Variants in NAPB observed in about 807,000 individuals in gnomAD.
NAPB encodes NSF attachment protein beta.
Under a neutral mutation model 44.7 loss-of-function variants are expected in NAPB, and 26 were observed. The ratio of observed to expected loss-of-function variants is 0.58; its 90% CI spans 0.43 to 0.81. The LOEUF is 0.81. NAPB is among the 30% of genes least tolerant of loss of function. NAPB has a pLI of 0.00. For synonymous variants in NAPB, 120 were observed against 116.8 expected (o/e 1.03, Z -0.18); for missense variants, 315 against 356.4 (o/e 0.88, Z 0.94).
At position 23,409,888 on chromosome 20, in the gene NAPB, G is replaced by A. The variant is rs76340038; in HGVS notation, c.99-6816C>T. Among the ~76,000 whole-genome samples the A allele has an allele frequency of 7.8e-3, 1,183 of 152,314 alleles. 20 individuals carry two copies. The highest frequency in any genetic ancestry group is 0.027 in the African/African-American group (1,106 of 41,564). On this transcript the variant is annotated intron_variant, in intron 1 of 10. Coordinates refer to ENST00000377026, the MANE Select transcript of NAPB (RefSeq NM_022080.3). Reference sequence around the variant, plus strand: ...TGCCTCTGCTGCCAGTCAGAGGGGCGTCTGTCGACAGGAGAGGGGAGTTTA... The same window carrying A: ...TGCCTCTGCTGCCAGTCAGAGGGGCATCTGTCGACAGGAGAGGGGAGTTTA...
intron 7 of NAPB, among the ~76,000 whole-genome samples, chr20:23,389,656 A>G (rs1351088981): frequency 1.3e-5 from 2 of 152,238 alleles, no homozygotes; most frequent in Non-Finnish European, 2.9e-5. Flanking sequence ...ATGTGATTTC[A>G]TATATATTCA....
At chr20:23,416,181 C>G (rs1985992656) in intron 1 of NAPB, among the ~76,000 whole-genome samples, 1 of 152,166 alleles carries the variant, frequency 6.6e-6, no homozygotes, top group Admixed American at 6.5e-5. Context: ...AACAGGCAGA[C>G]TTCCAAGGAG....
rs186122481 is a variant in NAPB at position 23,420,476 on chromosome 20, G to A, written c.98+829C>T. Among the ~76,000 whole-genome samples, 1,181 of 152,216 alleles carry A rather than the reference G, an allele frequency of 7.8e-3. 20 individuals are homozygous for A. The highest frequency in any genetic ancestry group is 0.026 in the African/African-American group (1,098 of 41,554). ...GCACACCAGCTCTGGATCCCTCGCC[G>A]GACCGCCCCCTCCCCGGCGGGGCCC... On this transcript the variant is annotated intron_variant, in intron 1 of 10. Coordinates refer to ENST00000377026, the MANE Select transcript of NAPB (RefSeq NM_022080.3).
chr20:23,390,375 T>A (rs1008238651), intron 5 of NAPB, 111 bp from the exon 6 acceptor site: 1 of 840,976 alleles, frequency 1.2e-6, no homozygotes, highest in Non-Finnish European at 1.9e-6. Flanking sequence ...CAGCAAACTT[T>A]TCACAACTCG....
At chr20:23,384,791 C>G (rs1178724977) in intron 7 of NAPB, among the ~76,000 whole-genome samples, 2 of 151,874 alleles carry the variant, frequency 1.3e-5, no homozygotes, top group African/African-American at 4.8e-5. Flanking sequence ...CTAAATACAC[C>G]AATTGAAAAA....
intron 8 of NAPB, 74 bp from the exon 9 acceptor site, chr20:23,380,009 A>G: frequency 8.3e-7 from 1 of 1,199,326 alleles, no homozygotes; most frequent in Admixed American, 1.7e-5. Flanking sequence ...ATCAGCTTCA[A>G]ATAAGATCTA....
Position 23,377,207 on chromosome 20 carries a change from CCTT to C in NAPB, c.*166_*168del. The C allele has an allele frequency of 2.5e-6, 1 of 399,636 alleles. No individual in the cohort carries two copies. The highest frequency in any genetic ancestry group is 3.6e-5 in the East Asian group (1 of 27,540). The allele number at this position is 399,636 out of a possible 1,614,324, so 24.8% of individuals were successfully genotyped here. A position where few individuals can be genotyped will look rare whatever the true frequency, so the allele number is the denominator to read the frequency against. On this transcript the variant is annotated 3_prime_UTR_variant, in exon 11 of 11. Transcript: ENST00000377026. ...TACCACAAGATGAACAGGAGCCTCTCCTTCATTCATTTCACAGCAACACAGACT... is the reference window on the plus strand; with the variant it reads ...TACCACAAGATGAACAGGAGCCTCTCCATTCATTTCACAGCAACACAGACT...
At chr20:23,408,753 A>G (rs1385948681) in intron 1 of NAPB, among the ~76,000 whole-genome samples, 1 of 152,218 alleles carries the variant, frequency 6.6e-6, no homozygotes, top group Non-Finnish European at 1.5e-5. Flanking sequence ...ACTGGAAGAG[A>G]TATTTTTACA....
intron 1 of NAPB, among the ~76,000 whole-genome samples, chr20:23,409,289 A>G (rs1196847460): frequency 6.6e-6 from 1 of 152,230 alleles, no homozygotes; most frequent in African/African-American, 2.4e-5. Context: ...AGATTCTCAA[A>G]CAGAGAAAAT....
intron 8 of NAPB, chr20:23,380,982 T>A (rs6048769): frequency 5.8e-5 from 26 of 448,198 alleles, no homozygotes; most frequent in African/African-American, 4.9e-4. Flanking sequence ...CAGACGAGAT[T>A]GGGTGTGTTC....
At chr20:23,380,525 TTTC>T (rs1388061364) in intron 8 of NAPB, 7 of 98,978 alleles carry the variant, frequency 7.1e-5, no homozygotes, top group African/African-American at 1.8e-4. Flanking sequence ...CCTTAATTTC[TTTC>T]TTTTTTTTTT....
At chr20:23,421,011 T>C (rs1429113518) in intron 1 of NAPB, among the ~76,000 whole-genome samples, 1 of 129,998 alleles carries the variant, frequency 7.7e-6, no homozygotes, top group African/African-American at 3.0e-5. Context: ...GTCTCTAAAG[T>C]GCGCGTGGGG....
At chr20:23,399,652 A>C (rs1412376444) in intron 2 of NAPB, among the ~76,000 whole-genome samples, 3 of 152,212 alleles carry the variant, frequency 2.0e-5, no homozygotes, top group Admixed American at 6.5e-5. Context: ...GCCCCTTGTG[A>C]ATCATGAGAG....
chr20:23,386,066 A>C, intron 7 of NAPB, among the ~76,000 whole-genome samples: 1 of 152,212 alleles, frequency 6.6e-6, no homozygotes, highest in East Asian at 1.9e-4. Flanking sequence ...AAACACTACT[A>C]AATAATCCAT....
chr20:23,393,982 T>A (rs1488628648), intron 5 of NAPB, among the ~76,000 whole-genome samples: 1 of 152,066 alleles, frequency 6.6e-6, no homozygotes, highest in Non-Finnish European at 1.5e-5. Flanking sequence ...ATGCAGGGTA[T>A]GCAAGAGGAG....
intron 10 of NAPB, 64 bp from the exon 11 acceptor site, chr20:23,377,550 G>A (rs1982616056): frequency 9.8e-7 from 1 of 1,025,310 alleles, no homozygotes; most frequent in African/African-American, 1.6e-5. Flanking sequence ...CAAAATAATA[G>A]TACCCCAAGC....
At chr20:23,382,662 A>T (rs1421685310) in intron 7 of NAPB, among the ~76,000 whole-genome samples, 1 of 152,138 alleles carries the variant, frequency 6.6e-6, no homozygotes, top group African/African-American at 2.4e-5. Context: ...TGAAAAAAAA[A>T]AACAGTACCA....
chr20:23,389,224 TA>T (rs1337807149), intron 7 of NAPB, among the ~76,000 whole-genome samples: 3 of 130,988 alleles, frequency 2.3e-5, no homozygotes, highest in Non-Finnish European at 4.7e-5. Flanking sequence ...TTAGGGTGAC[TA>T]TTATTTAAAA....
chr20:23,417,777 T>G (rs769772887), intron 1 of NAPB, among the ~76,000 whole-genome samples: 36 of 152,088 alleles, frequency 2.4e-4, no homozygotes, highest in Non-Finnish European at 8.8e-5. Flanking sequence ...AATGTTTGCA[T>G]CCCTTGTCAG....
Sources: gnomAD v4.1 joint callset for allele counts (sites outside exome capture counted in the v4.1 genomes callset) on GRCh38, gnomAD v4.1.1 for gene constraint, MANE v1.5 for transcripts, NCBI Gene and HGNC (gene_info 2026-07-23, HGNC 2026-07-21) for gene names.